GTF2IRD2B: variants seen among roughly 807,000 people sequenced by gnomAD.
GTF2IRD2B encodes general transcription factor II-I repeat domain-containing protein 2B.
A neutral mutation model predicts 55.6 loss-of-function variants in GTF2IRD2B; 10 were observed. That is an observed-to-expected ratio of 0.18 (90% confidence interval 0.11 to 0.31). The LOEUF (loss-of-function observed/expected upper bound fraction) is 0.31. Ranked by LOEUF, GTF2IRD2B falls within the 10% of genes least tolerant of loss-of-function variation. The pLI is 1.00. For missense variants in GTF2IRD2B, 206 were observed against 802.7 expected (o/e 0.26, Z 8.98); for synonymous variants, 107 against 320.5 (o/e 0.33, Z 7.12).
intron 3 of GTF2IRD2B, among the ~76,000 whole-genome samples, chr7:75,118,093 G>T (rs1455214256): frequency 3.3e-5 from 5 of 150,002 alleles, no homozygotes; most frequent in Non-Finnish European, 5.9e-5. Context: ...AAAAAAAAAA[G>T]GGAAAGGAAA....
rs1363825059 is a variant in GTF2IRD2B, at chr7:75,149,415, C to G, written c.*118C>G. 8.0e-6 allele frequency: 6 copies of G among 751,650 alleles called. No homozygotes were observed. Among genetic ancestry groups the G allele is most frequent in the Non-Finnish European group, 1.5e-5 (6 of 405,702 alleles). 46.6% of individuals were successfully genotyped at this position (751,650 alleles called of 1,614,324 possible). ...TTCTTTTTTGAGATGGAGTCTTGCT[C>G]TGTCGCCCAGGTTGGAGTGCAGTGG... On this transcript the variant is annotated 3_prime_UTR_variant, in exon 16 of 16. Transcript: ENST00000472837.
At chr7:75,113,981 A>G (rs1410422301) in intron 3 of GTF2IRD2B, among the ~76,000 whole-genome samples, 3 of 149,622 alleles carry the variant, frequency 2.0e-5, no homozygotes, top group Non-Finnish European at 4.4e-5. Context: ...TAGATGATAG[A>G]TAAGAGAGAG....
chr7:75,123,797 G>C (rs1808462807), intron 6 of GTF2IRD2B: 1 of 430,906 alleles, frequency 2.3e-6, no homozygotes, highest in Non-Finnish European at 4.4e-6. Flanking sequence ...AGAATGGCGT[G>C]AACCCGGGAG....
chr7:75,105,226 A>G (rs1215920236), intron 1 of GTF2IRD2B, among the ~76,000 whole-genome samples: 24 of 152,160 alleles, frequency 1.6e-4, no homozygotes, highest in Admixed American at 4.6e-4. Context: ...ACAACAGACC[A>G]GGCATGGTGG....
At chr7:75,117,789 A>T (rs1554537082) in intron 3 of GTF2IRD2B, among the ~76,000 whole-genome samples, 17 of 152,274 alleles carry the variant, frequency 1.1e-4, no homozygotes, top group Admixed American at 1.0e-3. Context: ...TTATTTTAAA[A>T]ATATATATAT....
At chr7:75,137,676 G>A (rs1412331079) in intron 11 of GTF2IRD2B, among the ~76,000 whole-genome samples, 2 of 146,354 alleles carry the variant, frequency 1.4e-5, no homozygotes, top group Non-Finnish European at 3.0e-5. Context: ...TGTAGTCCCA[G>A]CTATTCGGGA....
intron 6 of GTF2IRD2B, 187 bp downstream of exon 6, chr7:75,123,703 G>C: frequency 1.4e-6 from 1 of 705,898 alleles, no homozygotes; most frequent in Non-Finnish European, 2.5e-6. Flanking sequence ...GTGAAGCCCA[G>C]TCTGTACTAA....
intron 1 of GTF2IRD2B, among the ~76,000 whole-genome samples, chr7:75,101,929 TAA>T (rs1241192063): frequency 7.2e-6 from 1 of 139,558 alleles, no homozygotes; most frequent in African/African-American, 2.6e-5. Flanking sequence ...TTAAAAAAAA[TAA>T]AGTGTACTGT....
At chr7:75,104,938 T>C (rs1251098535) in intron 1 of GTF2IRD2B, among the ~76,000 whole-genome samples, 2 of 152,272 alleles carry the variant, frequency 1.3e-5, no homozygotes, top group Non-Finnish European at 2.9e-5. Flanking sequence ...CTCACACCTG[T>C]AATCCCAGCA....
chr7:75,130,499 A>G (rs1808639332), intron 8 of GTF2IRD2B, among the ~76,000 whole-genome samples: 1 of 149,426 alleles, frequency 6.7e-6, no homozygotes. Flanking sequence ...TCTTTTCTTG[A>G]GACAGAGTCT....
intron 1 of GTF2IRD2B, among the ~76,000 whole-genome samples, chr7:75,103,960 A>AGCCT (rs1807672703): frequency 6.8e-6 from 1 of 147,844 alleles, no homozygotes; most frequent in Admixed American, 6.8e-5. Context: ...TGAACCTGGG[A>AGCCT]GGCAGAGCTT....
intron 1 of GTF2IRD2B, among the ~76,000 whole-genome samples, chr7:75,105,766 G>A (rs1156701591): frequency 6.6e-6 from 1 of 152,426 alleles, no homozygotes; most frequent in African/African-American, 2.4e-5. Flanking sequence ...GCTAGGGTGT[G>A]CTGGGTTGCA....
intron 1 of GTF2IRD2B, among the ~76,000 whole-genome samples, chr7:75,103,361 G>A (rs1554449759): frequency 6.6e-6 from 1 of 151,326 alleles, no homozygotes; most frequent in Non-Finnish European, 1.5e-5. Flanking sequence ...ACAGCCCGTG[G>A]TTCTCCTGGC....
chr7:75,104,605 A>T (rs1436071782), intron 1 of GTF2IRD2B, among the ~76,000 whole-genome samples: 1 of 152,134 alleles, frequency 6.6e-6, no homozygotes, highest in African/African-American at 2.4e-5. Flanking sequence ...CTAAAGACAA[A>T]ATAAAGATTA....
chr7:75,101,760 G>T (rs1453280438), intron 1 of GTF2IRD2B, among the ~76,000 whole-genome samples: 2 of 148,506 alleles, frequency 1.3e-5, no homozygotes, highest in Non-Finnish European at 1.5e-5. Flanking sequence ...TGGGCATGGT[G>T]GTGCACGCCT....
At chr7:75,102,970 A>AC (rs1330145252) in intron 1 of GTF2IRD2B, among the ~76,000 whole-genome samples, 10 of 139,828 alleles carry the variant, frequency 7.2e-5, no homozygotes, top group African/African-American at 2.4e-4. Flanking sequence ...AAAAAAAAAA[A>AC]CAATACATAC....
intron 1 of GTF2IRD2B, among the ~76,000 whole-genome samples, chr7:75,106,907 A>G (rs1807824484): frequency 1.4e-5 from 2 of 145,720 alleles, no homozygotes; most frequent in African/African-American, 5.0e-5. Context: ...ACTGGGTGAC[A>G]GAGTGAGATC....
In GTF2IRD2B at chr7:75,119,850, G is replaced by A. The variant is rs368101900; in HGVS notation, c.239-1041G>A. Among the ~76,000 whole-genome samples the A allele has an allele frequency of 0.012, 1,178 of 95,930 alleles. 130 individuals are homozygous for A. In the East Asian group the frequency reaches 0.25, roughly 20 times the overall value. 62.9% of individuals were successfully genotyped at this position (95,930 alleles called of 152,430 possible). ...TCCATGCAAGAAAACTATACTTGGC[G>A]GGGTGTGGTGGCTCAGGCCTGTAAT... is the stretch of plus-strand genomic sequence containing the variant. On this transcript the variant is annotated intron_variant, in intron 3 of 15. Transcript: ENST00000472837.
At chr7:75,115,533 C>T (rs1258395662) in intron 3 of GTF2IRD2B, among the ~76,000 whole-genome samples, 3 of 144,638 alleles carry the variant, frequency 2.1e-5, no homozygotes, top group Non-Finnish European at 4.6e-5. Context: ...AAGCCATTCT[C>T]CTGCCTCAGC....
Sources: allele counts gnomAD v4.1 joint callset (sites outside exome capture counted in the v4.1 genomes callset), GRCh38; gene constraint gnomAD v4.1.1; transcripts MANE v1.5; gene names NCBI Gene and HGNC (gene_info 2026-07-23, HGNC 2026-07-21).